Variants in GAS6 observed in about 807,000 individuals in gnomAD.
GAS6 encodes the protein growth arrest specific 6.
Under a neutral mutation model 75.8 loss-of-function variants are expected in GAS6, and 41 were observed. The observed-to-expected ratio is 0.54, with a 90% CI of 0.42 to 0.70. The LOEUF is 0.70. Ranked by LOEUF, GAS6 falls within the 30% of genes least tolerant of loss-of-function variation. GAS6 has a pLI of 0.00. For synonymous variants in GAS6, 432 were observed against 412.6 expected, an observed-to-expected ratio of 1.05 and a Z score of -0.57; for missense variants, 854 against 940.2, an observed-to-expected ratio of 0.91 and a Z score of 1.20.
chr13:113,862,530 G>C (rs2051980300), intron 2 of GAS6, among the ~76,000 whole-genome samples: 1 of 152,226 alleles, frequency 6.6e-6, no homozygotes, highest in African/African-American at 2.4e-5. Flanking sequence ...TGAGCTGAAG[G>C]AGGGCACGGG....
chr13:113,838,898 C>T (rs1309438676), intron 5 of GAS6, among the ~76,000 whole-genome samples: 2 of 152,002 alleles, frequency 1.3e-5, no homozygotes, highest in African/African-American at 2.4e-5. Flanking sequence ...CAGAGAGGGA[C>T]CCCAGGGCTT....
At chr13:113,856,758 C>T (rs1040830438) in intron 2 of GAS6, among the ~76,000 whole-genome samples, 1 of 152,232 alleles carries the variant, frequency 6.6e-6, no homozygotes, top group African/African-American at 2.4e-5. Flanking sequence ...CCAAAGCCCA[C>T]TGCGCCTCCC....
At chr13:113,841,119 C>G (rs1334546932) in intron 4 of GAS6, 1 of 152,222 alleles carries the variant, frequency 6.6e-6, no homozygotes, top group Non-Finnish European at 1.5e-5. Context: ...ACCAGAGGGT[C>G]TGGGCTCGGC....
intron 10 of GAS6, among the ~76,000 whole-genome samples, chr13:113,830,266 G>A (rs1320732141): frequency 6.6e-6 from 1 of 152,106 alleles, no homozygotes; most frequent in Non-Finnish European, 1.5e-5. Context: ...AATTGGGGAG[G>A]GGTCCTCATG....
At chr13:113,850,506 T>A (rs755209227) in intron 2 of GAS6, among the ~76,000 whole-genome samples, 1 of 152,138 alleles carries the variant, frequency 6.6e-6, no homozygotes, top group Non-Finnish European at 1.5e-5. Flanking sequence ...TGGAAATCCT[T>A]TCCCCGGGGA....
chr13:113,830,063 A>G (rs2051611216), intron 10 of GAS6, among the ~76,000 whole-genome samples: 1 of 152,264 alleles, frequency 6.6e-6, no homozygotes, highest in South Asian at 2.1e-4. Flanking sequence ...CGATGCATCA[A>G]TGTGGTCACC....
At chr13:113,846,481 C>T in intron 4 of GAS6, 46 bp downstream of exon 4, 1 of 1,577,508 alleles carries the variant, frequency 6.3e-7, no homozygotes, top group Non-Finnish European at 8.7e-7. Context: ...CTAAAGCCGC[C>T]CAAACCCACA....
Position 113,832,696 on chromosome 13 carries a change from C to A in GAS6, c.891G>T (p.Leu297=). The A allele has an allele frequency of 2.5e-6, 4 of 1,612,760 alleles. No individual in the cohort carries two copies. The highest frequency in any genetic ancestry group is 3.4e-6 in the Non-Finnish European group (4 of 1,179,968). The change falls in exon 9 of 15, where the codon CTG becomes CTT. Residue 297 remains leucine, a synonymous_variant. Transcript: ENST00000327773. ...CGGGGGTCCCACTGAACATCCGGCCCAGGTACAAGGACTTCACACTCTTGG... is the reference window on the plus strand; with the variant it reads ...CGGGGGTCCCACTGAACATCCGGCCAAGGTACAAGGACTTCACACTCTTGG... ...SVAKSVKSLY[L]GRMFSGTPVI...
chr13:113,821,071 G>T (rs780022821), intron 14 of GAS6, 53 bp from the exon 15 acceptor site: 22 of 1,583,262 alleles, frequency 1.4e-5, no homozygotes, highest in Non-Finnish European at 1.6e-5. Context: ...GGCCGGCCCC[G>T]CCTGGCCCCC....
At position 113,831,095 on chromosome 13, in the gene GAS6, C is replaced by T. The variant is rs571348427; in HGVS notation, c.1143+1204G>A. ...GCCCAGTATGGTGAGGGAGGCCCAGCGCTGTGGGCGGGAGCCTGGTTGCTT... is the reference window on the plus strand; with the variant it reads ...GCCCAGTATGGTGAGGGAGGCCCAGTGCTGTGGGCGGGAGCCTGGTTGCTT... On this transcript the variant is annotated intron_variant, in intron 10 of 14. Transcript: ENST00000327773. 1.9e-4 allele frequency among the ~76,000 whole-genome samples: 29 copies of T among 152,380 alleles called. 1 individual carries two copies. The South Asian group carries it at 4.8e-3, about 25-fold the overall frequency.
chr13:113,831,307 G>A (rs1250570366), intron 10 of GAS6, among the ~76,000 whole-genome samples: 6 of 152,160 alleles, frequency 3.9e-5, no homozygotes, highest in East Asian at 1.9e-4. Context: ...ATGCATGGCC[G>A]CACTGACCAG....
rs2051850823 is a variant in GAS6 at position 113,848,536 on chromosome 13, A to G, written c.256-486T>C. On this transcript the variant is annotated intron_variant, in intron 2 of 14. Coordinates refer to ENST00000327773, the MANE Select transcript of GAS6 (RefSeq NM_000820.4). This position sits in a 1 kb window ranked among gnomAD's most constrained non-coding sequence, Gnocchi z 4.8. ...CCATGAAAGCGCACTGACGAGGTCC[A>G]CATTCGACACAAGTGAGCTGTCGAG... 6.6e-6 allele frequency among the ~76,000 whole-genome samples: 1 copy of G among 152,170 alleles called. No individual in the cohort carries two copies. The highest frequency in any genetic ancestry group is 1.5e-5 in the Non-Finnish European group (1 of 68,018).
intron 2 of GAS6, among the ~76,000 whole-genome samples, chr13:113,856,922 T>G (rs1371832492): frequency 6.6e-6 from 1 of 152,190 alleles, no homozygotes; most frequent in Admixed American, 6.5e-5. Flanking sequence ...GGACAGTTGG[T>G]CCTGGATGGG....
chr13:113,846,534 G>A lies in GAS6; in HGVS notation c.336C>T (p.Cys112=), dbSNP rs952727963. The change falls in exon 4 of 15, where the codon TGC becomes TGT. Residue 112 remains cysteine (C), a synonymous_variant. Transcript: ENST00000327773. ...CAAAGGAGGCCGACTTACTTTGCAC[G>A]CAGGTGGCGAAGCCTGAGTTTTTGG... ...PYTKNSGFAT[C]VQNLPDQCTP... is the part of the protein sequence containing the mutation. The A allele has an allele frequency of 7.4e-6, 12 of 1,613,982 alleles. No individual in the cohort carries two copies. Among genetic ancestry groups the A allele is most frequent in the African/African-American group, 1.3e-5 (1 of 75,042 alleles).
At chr13:113,849,484 G>A (rs2051857831) in intron 2 of GAS6, among the ~76,000 whole-genome samples, 1 of 141,980 alleles carries the variant, frequency 7.0e-6, no homozygotes, top group Admixed American at 7.0e-5. Context: ...CAAAGCAGGA[G>A]GCTCTGGCTC....
intron 4 of GAS6, chr13:113,840,191 A>G (rs1452785322): frequency 3.7e-6 from 1 of 272,110 alleles, no homozygotes; most frequent in Non-Finnish European, 6.9e-6. Context: ...GGCACACAGA[A>G]CCCCCAGCTG....
chr13:113,861,884 AAAG>A (rs2138670060), intron 2 of GAS6, among the ~76,000 whole-genome samples: 1 of 152,316 alleles, frequency 6.6e-6, no homozygotes, highest in African/African-American at 2.4e-5. Context: ...ATGACGCTGA[AAAG>A]AAGCCGACAG....
intron 10 of GAS6, among the ~76,000 whole-genome samples, chr13:113,831,775 G>A (rs949217424): frequency 3.5e-5 from 5 of 141,886 alleles, no homozygotes; most frequent in East Asian, 2.2e-4. Context: ...TGAACTAAAC[G>A]GGGCAGGGGT....
At chr13:113,862,369 G>A (rs1407178480) in intron 2 of GAS6, among the ~76,000 whole-genome samples, 1 of 152,232 alleles carries the variant, frequency 6.6e-6, no homozygotes, top group African/African-American at 2.4e-5. Context: ...GGAGGACACT[G>A]CACCAGCCAC....
Sources: gnomAD v4.1 joint callset for allele counts (sites outside exome capture counted in the v4.1 genomes callset) on GRCh38, gnomAD v4.1.1 for gene constraint, Gnocchi (gnomAD v3.1) non-coding constraint, MANE v1.5 for transcripts, NCBI Gene and HGNC (gene_info 2026-07-23, HGNC 2026-07-21) for gene names.